The following SLCO3A1 variants were observed in gnomAD, a reference collection of about 807,000 sequenced individuals.
SLCO3A1 encodes the protein PGE1 transporter.
SLCO3A1 carries 27 observed loss-of-function variants against 63.1 expected under a neutral mutation model. That is an observed-to-expected ratio of 0.43 (90% CI 0.32 to 0.59). The LOEUF (loss-of-function observed/expected upper bound fraction) is 0.59. Ranked by LOEUF, SLCO3A1 falls within the 20% of genes least tolerant of loss-of-function variation. SLCO3A1 has a pLI of 0.09. For synonymous variants in SLCO3A1, 473 were observed against 409.9 expected (o/e 1.15, Z -1.86); for missense variants, 773 against 945.8 (o/e 0.82, Z 2.40).
intron 2 of SLCO3A1, among the ~76,000 whole-genome samples, chr15:91,952,563 C>T (rs552482042): frequency 6.6e-6 from 1 of 152,284 alleles, no homozygotes; most frequent in African/African-American, 2.4e-5. Context: ...CTGAGCCAAA[C>T]CACAGAGGCA....
rs116808789 is a variant in SLCO3A1 at position 91,998,178 on chromosome 15, G to A, written c.646+81720G>A. ...CTCATTAAAAAGTGGGCAAGGTCAG[G>A]TGTGGTGGCTCATGCCTGTAATCCC... On this transcript the variant is annotated intron_variant, in intron 2 of 9. Coordinates refer to ENST00000318445, the MANE Select transcript of SLCO3A1 (RefSeq NM_013272.4). Among the ~76,000 whole-genome samples, 1,397 of 152,282 alleles carry A rather than the reference G, an allele frequency of 9.2e-3. 28 individuals are homozygous for A. Among genetic ancestry groups the A allele is most frequent in the African/African-American group, 0.032 (1,335 of 41,558 alleles).
chr15:92,073,157 TG>T (rs1451803764), intron 2 of SLCO3A1, among the ~76,000 whole-genome samples: 1 of 152,092 alleles, frequency 6.6e-6, no homozygotes, highest in Non-Finnish European at 1.5e-5. Flanking sequence ...CGCTGGGAAA[TG>T]GGCCTGGAGT....
At chr15:92,004,038 A>G (rs939610544) in intron 2 of SLCO3A1, among the ~76,000 whole-genome samples, 8 of 152,078 alleles carry the variant, frequency 5.3e-5, no homozygotes, top group African/African-American at 1.7e-4. Flanking sequence ...GGTATGTGGT[A>G]CGTGGACCGT....
intron 2 of SLCO3A1, among the ~76,000 whole-genome samples, chr15:91,949,455 C>T (rs1175031537): frequency 6.6e-6 from 1 of 151,930 alleles, no homozygotes; most frequent in Non-Finnish European, 1.5e-5. Context: ...CATGGCGAAA[C>T]CCCATCCCTA....
At chr15:92,158,009 A>G (rs1006194374) in intron 9 of SLCO3A1, among the ~76,000 whole-genome samples, 2 of 152,190 alleles carry the variant, frequency 1.3e-5, no homozygotes, top group Non-Finnish European at 2.9e-5. Flanking sequence ...AAAACTCCAG[A>G]TGTGAACTCC....
intron 7 of SLCO3A1, among the ~76,000 whole-genome samples, chr15:92,141,709 A>G (rs762802610): frequency 2.6e-5 from 4 of 152,174 alleles, no homozygotes; most frequent in Non-Finnish European, 5.9e-5. Context: ...GAAACTACCT[A>G]AGTCCTCATC....
chr15:92,000,601 G>T (rs2046242408), intron 2 of SLCO3A1, among the ~76,000 whole-genome samples: 2 of 152,168 alleles, frequency 1.3e-5, no homozygotes, highest in African/African-American at 4.8e-5. Flanking sequence ...TGTTAAAGTT[G>T]AGAGTTGATT....
At chr15:92,081,781 A>T (rs2047349563) in intron 2 of SLCO3A1, among the ~76,000 whole-genome samples, 1 of 152,228 alleles carries the variant, frequency 6.6e-6, no homozygotes, top group Non-Finnish European at 1.5e-5. Flanking sequence ...GGACTTTGGG[A>T]AAAGCCCATT....
chr15:92,152,959 C>T (rs1316779157), intron 9 of SLCO3A1, among the ~76,000 whole-genome samples: 1 of 152,050 alleles, frequency 6.6e-6, no homozygotes, highest in East Asian at 1.9e-4. Flanking sequence ...TTTTTGATAG[C>T]ACAAGATGAA....
At chr15:91,936,035 A>G (rs1038372790) in intron 2 of SLCO3A1, among the ~76,000 whole-genome samples, 1 of 152,216 alleles carries the variant, frequency 6.6e-6, no homozygotes. Context: ...ACTGAGGGTG[A>G]GGGCTCTGGA....
intron 1 of SLCO3A1, among the ~76,000 whole-genome samples, chr15:91,858,988 A>G (rs921030081): frequency 6.6e-6 from 1 of 152,260 alleles, no homozygotes; most frequent in Non-Finnish European, 1.5e-5. Flanking sequence ...ACTCGCGCAG[A>G]TTTCACTACA....
At chr15:91,961,872 T>G (rs1597161686) in intron 2 of SLCO3A1, among the ~76,000 whole-genome samples, 1 of 152,358 alleles carries the variant, frequency 6.6e-6, no homozygotes, top group East Asian at 1.9e-4. Context: ...TCTCAGAACA[T>G]GGAAGGGACC....
intron 2 of SLCO3A1, among the ~76,000 whole-genome samples, chr15:91,999,171 T>C (rs2046225010): frequency 6.6e-6 from 1 of 152,216 alleles, no homozygotes; most frequent in South Asian, 2.1e-4. Flanking sequence ...TGAAAGGCTC[T>C]TGGGTACTAT....
rs762316145 is a variant in SLCO3A1, at chr15:92,125,998, G to A, written c.1175-63G>A. 1.8e-5 allele frequency: 26 copies of A among 1,443,354 alleles called. No homozygotes were observed. In the African/African-American group the frequency reaches 2.7e-4, roughly 15 times the overall value. The allele number at this position is 1,443,354 out of a possible 1,614,324, so 89.4% of individuals were successfully genotyped here. ...GGACTCAGCCTCAGGCCTGCTGCCC[G>A]CCTGTCTGTAGACTGGCCCCACCTT... On this transcript the variant is annotated intron_variant, in intron 5 of 9. Coordinates refer to ENST00000318445, the MANE Select transcript of SLCO3A1 (RefSeq NM_013272.4).
chr15:92,127,203 C>A (rs1359035523), intron 6 of SLCO3A1, among the ~76,000 whole-genome samples: 1 of 152,224 alleles, frequency 6.6e-6, no homozygotes, highest in African/African-American at 2.4e-5. Context: ...GCCCCGACTT[C>A]GTGTTCAGAT....
At chr15:91,985,821 A>G (rs1441564181) in intron 2 of SLCO3A1, among the ~76,000 whole-genome samples, 1 of 152,174 alleles carries the variant, frequency 6.6e-6, no homozygotes, top group Non-Finnish European at 1.5e-5. Flanking sequence ...AGGGGTGGCC[A>G]AGAGATGCTT....
chr15:91,971,610 G>A (rs543256776), intron 2 of SLCO3A1, among the ~76,000 whole-genome samples: 4 of 152,126 alleles, frequency 2.6e-5, no homozygotes, highest in Admixed American at 6.6e-5. Flanking sequence ...GAGAAAATAT[G>A]TGTGTTAAAG....
rs968206085 is a variant in SLCO3A1, at chr15:91,883,082, T to A, written c.180+28994T>A. ...ATGGTGAGGACTTGGGAAGGAGCCA[T>A]GTGCTCCAGCCATTCAGATTCCAGT... On this transcript the variant is annotated intron_variant, in intron 1 of 9. Transcript: ENST00000318445. This position sits in a 1 kb window ranked among gnomAD's most constrained non-coding sequence, Gnocchi z 4.8. Among the ~76,000 whole-genome samples, 2 of 152,216 alleles carry A rather than the reference T, an allele frequency of 1.3e-5. No homozygotes were observed. Among genetic ancestry groups the A allele is most frequent in the African/African-American group, 2.4e-5 (1 of 41,456 alleles).
intron 2 of SLCO3A1, among the ~76,000 whole-genome samples, chr15:92,037,771 A>G (rs1307434842): frequency 2.0e-5 from 3 of 152,204 alleles, no homozygotes; most frequent in African/African-American, 7.2e-5. Context: ...TTCATTCAGG[A>G]ACTAGAATAT....
Sources: gnomAD v4.1 joint callset for allele counts (sites outside exome capture counted in the v4.1 genomes callset) on GRCh38, gnomAD v4.1.1 for gene constraint, Gnocchi (gnomAD v3.1) non-coding constraint, MANE v1.5 for transcripts, NCBI Gene and HGNC (gene_info 2026-07-23, HGNC 2026-07-21) for gene names.